RGS6: variants seen among roughly 807,000 people sequenced by gnomAD.
RGS6 encodes the protein regulator of G-protein signaling 6.
A neutral mutation model predicts 78.5 loss-of-function variants in RGS6; 30 were observed. The ratio of observed to expected loss-of-function variants is 0.38; its 90% confidence interval spans 0.29 to 0.52. RGS6 has a LOEUF of 0.52. Among genes scored for constraint, RGS6 ranks in the 20% least tolerant of loss-of-function variants. The pLI, the probability that RGS6 is intolerant of heterozygous loss-of-function variation, is 0.85. For synonymous variants in RGS6, 206 were observed against 206.0 expected, an observed-to-expected ratio of 1.00 and a Z score of 0.00; for missense variants, 495 against 609.7, an observed-to-expected ratio of 0.81 and a Z score of 1.98.
At chr14:72,411,498 C>T (rs1262062413) in intron 3 of RGS6, among the ~76,000 whole-genome samples, 4 of 152,182 alleles carry the variant, frequency 2.6e-5, no homozygotes, top group Non-Finnish European at 4.4e-5. Context: ...GATATACAAT[C>T]ATGTCATCTG....
the RGS6 span, among the ~76,000 whole-genome samples, chr14:72,579,766 A>G: frequency 1.3e-5 from 2 of 152,232 alleles, no homozygotes; most frequent in Non-Finnish European, 2.9e-5. Context: ...GATGAGGCCC[A>G]GGAATAGCAA....
chr14:72,437,668 G>A (rs929460317), intron 3 of RGS6, among the ~76,000 whole-genome samples: 2 of 152,180 alleles, frequency 1.3e-5, no homozygotes, highest in African/African-American at 4.8e-5. Context: ...TTCTTAGCGT[G>A]TTCTCTGAAC....
intron 1 of RGS6, among the ~76,000 whole-genome samples, chr14:71,960,184 C>G (rs2093085642): frequency 6.6e-6 from 1 of 152,132 alleles, no homozygotes; most frequent in African/African-American, 2.4e-5. Context: ...TTCAATGATT[C>G]ACGAATCTGT....
chr14:71,968,471 G>A (rs889554269), intron 2 of RGS6, among the ~76,000 whole-genome samples: 1 of 152,086 alleles, frequency 6.6e-6, no homozygotes, highest in Non-Finnish European at 1.5e-5. Context: ...CTCTCAAAAC[G>A]TAGAAGAACC....
chr14:72,149,777 T>A (rs980292886), intron 2 of RGS6, among the ~76,000 whole-genome samples: 2 of 152,224 alleles, frequency 1.3e-5, no homozygotes, highest in African/African-American at 4.8e-5. Context: ...TTTGGGGTCA[T>A]ATATCTCCAA....
At chr14:72,382,492 G>A (rs2086428004) in intron 3 of RGS6, among the ~76,000 whole-genome samples, 1 of 152,212 alleles carries the variant, frequency 6.6e-6, no homozygotes, top group Admixed American at 6.5e-5. Flanking sequence ...TCGAATGCTG[G>A]TGGAAGTGTG....
intron 3 of RGS6, among the ~76,000 whole-genome samples, chr14:72,447,959 CT>C (rs774712983): frequency 2.2e-4 from 33 of 152,234 alleles, no homozygotes; most frequent in Non-Finnish European, 4.1e-4. Flanking sequence ...CCACCTCGGC[CT>C]CCCGCAGTGT....
intron 2 of RGS6, among the ~76,000 whole-genome samples, chr14:72,010,212 G>A (rs993407225): frequency 1.3e-5 from 2 of 152,114 alleles, no homozygotes; most frequent in Admixed American, 6.5e-5. Context: ...ATTACCAAAT[G>A]TTTCAGGGCC....
At chr14:72,117,387 G>T (rs1023370034) in intron 2 of RGS6, among the ~76,000 whole-genome samples, 1 of 152,174 alleles carries the variant, frequency 6.6e-6, no homozygotes, top group East Asian at 1.9e-4. Flanking sequence ...GGGATCTCCC[G>T]TTCTCTCTCT....
chr14:72,483,704 C>G lies in RGS6; in HGVS notation c.854+5375C>G, dbSNP rs115567444. ...TGCTCCTCCTTTCTCCTAGCCTGTT[C>G]TAGGTGACAGAAAAAAAAAAAGACC... On this transcript the variant is annotated intron_variant, in intron 12 of 17. Coordinates refer to ENST00000553525, the MANE Select transcript of RGS6 (RefSeq NM_001204424.2). 2.7e-3 allele frequency among the ~76,000 whole-genome samples: 406 copies of G among 151,486 alleles called. 1 individual carries two copies. Among genetic ancestry groups the G allele is most frequent in the African/African-American group, 9.5e-3 (392 of 41,284 alleles).
chr14:72,262,808 G>A (rs1423400923), intron 2 of RGS6, among the ~76,000 whole-genome samples: 2 of 152,148 alleles, frequency 1.3e-5, no homozygotes. Context: ...GATGGCCAAG[G>A]GTCAGATATG....
intron 2 of RGS6, among the ~76,000 whole-genome samples, chr14:72,003,543 A>G (rs4902969): frequency 0.89 from 135,025 of 152,216 alleles, 60,100 homozygotes; most frequent in East Asian, 0.99. Context: ...TTGGATGTAT[A>G]TAAAACCTTT....
At chr14:72,539,222 C>T (rs1009173388) in intron 16 of RGS6, among the ~76,000 whole-genome samples, 17 of 152,204 alleles carry the variant, frequency 1.1e-4, no homozygotes, top group African/African-American at 3.9e-4. Flanking sequence ...TTTGCCTCTC[C>T]TCGCTCCTGT....
chr14:72,179,134 G>A (rs1322426965), intron 2 of RGS6, among the ~76,000 whole-genome samples: 1 of 152,186 alleles, frequency 6.6e-6, no homozygotes. Context: ...GGTGAAAATA[G>A]ACCAGTGAGC....
At chr14:71,927,324 A>C in the RGS6 span, among the ~76,000 whole-genome samples, 7 of 152,366 alleles carry the variant, frequency 4.6e-5, no homozygotes, top group Admixed American at 2.6e-4. Flanking sequence ...GTCTTAAAAC[A>C]TAACTATTCC....
chr14:72,585,717 T>C, the RGS6 span, among the ~76,000 whole-genome samples: 1 of 152,234 alleles, frequency 6.6e-6, no homozygotes, highest in Non-Finnish European at 1.5e-5. Flanking sequence ...TGAAGAGTTC[T>C]GGGTAGCACG....
intron 3 of RGS6, among the ~76,000 whole-genome samples, chr14:72,396,304 T>A (rs1021741904): frequency 2.6e-5 from 4 of 152,236 alleles, no homozygotes; most frequent in African/African-American, 9.6e-5. Flanking sequence ...TGAGCATTTT[T>A]CCCATGTGTT....
At chr14:72,573,691 CT>C in the RGS6 span, among the ~76,000 whole-genome samples, 1 of 152,186 alleles carries the variant, frequency 6.6e-6, no homozygotes, top group African/African-American at 2.4e-5. Flanking sequence ...TGTGGCCTGA[CT>C]GCGGCCAGAA....
At chr14:72,222,411 A>C (rs2047088650) in intron 2 of RGS6, among the ~76,000 whole-genome samples, 1 of 152,214 alleles carries the variant, frequency 6.6e-6, no homozygotes, top group Admixed American at 6.5e-5. Context: ...TCTTCATGTA[A>C]GATTTCAGCA....
Sources: allele counts gnomAD v4.1 joint callset (sites outside exome capture counted in the v4.1 genomes callset), GRCh38; gene constraint gnomAD v4.1.1; transcripts MANE v1.5; gene names NCBI Gene and HGNC (gene_info 2026-07-23, HGNC 2026-07-21).